HK1: variants seen among roughly 807,000 people sequenced by gnomAD.
HK1 encodes hexokinase 1.
HK1 carries 28 observed loss-of-function variants against 91.6 expected under a neutral mutation model. The ratio of observed to expected loss-of-function variants is 0.31; its 90% CI spans 0.23 to 0.42. The LOEUF (loss-of-function observed/expected upper bound fraction) is 0.42. Ranked by LOEUF, HK1 falls within the 10% of genes least tolerant of loss-of-function variation. The pLI is 1.00. For missense variants in HK1, 770 were observed against 1,219.8 expected, an observed-to-expected ratio of 0.63 and a Z score of 5.49; for synonymous variants, 430 against 468.1, an observed-to-expected ratio of 0.92 and a Z score of 1.05.
At chr10:69,362,059 C>T (rs1286839436) in intron 3 of HK1, among the ~76,000 whole-genome samples, 1 of 152,148 alleles carries the variant, frequency 6.6e-6, no homozygotes, top group Non-Finnish European at 1.5e-5. Flanking sequence ...CAGGTGTGAG[C>T]CACCACACCC....
At chr10:69,393,310 C>T (rs28510843) in intron 15 of HK1, among the ~76,000 whole-genome samples, 45,879 of 142,418 alleles carry the variant, frequency 0.32, 7,666 homozygotes, top group East Asian at 0.43. Context: ...CTTTTCTTTT[C>T]TTTTTTTTTT....
chr10:69,332,393 T>TCTTTCTTTCTTTCTTTCTTTCTTTC (rs1301874042), intron 1 of HK1, among the ~76,000 whole-genome samples: 4 of 126,552 alleles, frequency 3.2e-5, no homozygotes, highest in South Asian at 2.8e-4. Flanking sequence ...TTTTTTCTTT[T>TCTTTCTTTCTTTCTTTCTTTCTTTC]TTTGAGACAG....
At chr10:69,328,639 A>C (rs1847517916) in intron 1 of HK1, among the ~76,000 whole-genome samples, 1 of 152,088 alleles carries the variant, frequency 6.6e-6, no homozygotes, top group Admixed American at 6.5e-5. Context: ...TTATTTTCTC[A>C]ATTGAGTTAT....
At chr10:69,299,330 C>G (rs759960626) in intron 4 of HK1, among the ~76,000 whole-genome samples, 1 of 150,340 alleles carries the variant, frequency 6.7e-6, no homozygotes, top group African/African-American at 2.5e-5. Flanking sequence ...TACCAGCCTG[C>G]CCATTTTTTT....
rs1471643264 is a variant in HK1, at chr10:69,369,858, C to G, written c.875+234C>G. Among the ~76,000 whole-genome samples the G allele has an allele frequency of 2.0e-5, 3 of 152,142 alleles. No homozygotes were observed. The highest frequency in any genetic ancestry group is 4.4e-5 in the Non-Finnish European group (3 of 68,020). On this transcript the variant is annotated intron_variant, in intron 7 of 17. Transcript: ENST00000359426. The surrounding 1 kb of genome is among the most constrained non-coding windows in gnomAD (Gnocchi z 4.4). ...GGTTCAAGCGATTCTCCTGCCTTAG[C>G]CTCCAAGTAGCTGGGATTACAGGCA... is the stretch of plus-strand genomic sequence containing the variant.
chr10:69,279,473 G>T (rs1262351493), intron 1 of HK1, among the ~76,000 whole-genome samples: 1 of 152,224 alleles, frequency 6.6e-6, no homozygotes, highest in Non-Finnish European at 1.5e-5. Flanking sequence ...GGTAGACTGA[G>T]AGGCTGAACT....
At chr10:69,377,144 T>C in intron 8 of HK1, 55 bp downstream of exon 8, 1 of 1,601,952 alleles carries the variant, frequency 6.2e-7, no homozygotes. Flanking sequence ...GAAGAGCAAT[T>C]GGTCCCTTGT....
chr10:69,362,017 A>G (rs951813872), intron 3 of HK1, among the ~76,000 whole-genome samples: 5 of 152,094 alleles, frequency 3.3e-5, no homozygotes, highest in Admixed American at 3.3e-4. Flanking sequence ...GGGTTTCTCC[A>G]TGTTGGTCAG....
Position 69,380,889 on chromosome 10 carries a change from C to T in HK1, c.1265+794C>T, listed in dbSNP as rs1839354155. Among the ~76,000 whole-genome samples, 1 of 152,196 alleles carries T rather than the reference C, an allele frequency of 6.6e-6. No individual in the cohort carries two copies. Among genetic ancestry groups the T allele is most frequent in the South Asian group, 2.1e-4 (1 of 4,832 alleles). ...TAGCCTGTGACATGATTGTTTTGCA[C>T]AGGACCTCAGAGTTGTTTCCCACTG... is the stretch of plus-strand genomic sequence containing the variant. On this transcript the variant is annotated intron_variant, in intron 9 of 17. Transcript: ENST00000359426. This position sits in a 1 kb window ranked among gnomAD's most constrained non-coding sequence, Gnocchi z 4.0.
intron 1 of HK1, among the ~76,000 whole-genome samples, chr10:69,331,829 T>C (rs371583787): frequency 5.3e-5 from 8 of 152,112 alleles, no homozygotes; most frequent in East Asian, 1.9e-4. Context: ...TGAGCCATGA[T>C]TGGAGTGCAC....
chr10:69,355,828 T>C (rs894847298), intron 2 of HK1, among the ~76,000 whole-genome samples: 2 of 151,942 alleles, frequency 1.3e-5, no homozygotes, highest in Non-Finnish European at 2.9e-5. Flanking sequence ...AATAAATGCA[T>C]ACATTACGGT....
At chr10:69,359,797 G>A in intron 2 of HK1, 100 bp from the exon 3 acceptor site, 2 of 1,098,396 alleles carry the variant, frequency 1.8e-6, no homozygotes, top group South Asian at 1.2e-5. Flanking sequence ...TGTGGCAGGG[G>A]GAGGCAGACA....
intron 5 of HK1, among the ~76,000 whole-genome samples, chr10:69,302,658 G>C (rs1048627454): frequency 1.3e-5 from 2 of 151,528 alleles, no homozygotes; most frequent in Non-Finnish European, 2.9e-5. Flanking sequence ...GGGAGGCTGA[G>C]GTGGGAGGAT....
At chr10:69,357,817 T>C (rs1849207688) in intron 2 of HK1, among the ~76,000 whole-genome samples, 1 of 152,064 alleles carries the variant, frequency 6.6e-6, no homozygotes, top group Non-Finnish European at 1.5e-5. Context: ...GAAAATAGAT[T>C]AGTGGTTGCC....
At chr10:69,282,392 C>T (rs1844793283) in intron 1 of HK1, 1 of 152,232 alleles carries the variant, frequency 6.6e-6, no homozygotes, top group Non-Finnish European at 1.5e-5. Context: ...AGTGCCCCAT[C>T]CCCTGCCCAC....
chr10:69,278,146 C>T (rs1844560099), intron 1 of HK1, among the ~76,000 whole-genome samples: 1 of 152,196 alleles, frequency 6.6e-6, no homozygotes, highest in South Asian at 2.1e-4. Flanking sequence ...GGAAATGAGA[C>T]TGACATTTCC....
At chr10:69,316,969 G>A, upstream of HK1, among the ~76,000 whole-genome samples, 1 of 152,156 alleles carries the variant, frequency 6.6e-6, no homozygotes. Flanking sequence ...AGTTCCAAAT[G>A]TTTGATGTGT....
chr10:69,340,615 A>G (rs10998729), intron 1 of HK1, among the ~76,000 whole-genome samples: 27,841 of 152,098 alleles, frequency 0.18, 2,934 homozygotes, highest in Non-Finnish European at 0.24. Context: ...CTGGTCTTGA[A>G]CTTTTGGGCC....
At chr10:69,326,039 T>C (rs974767745) in intron 1 of HK1, among the ~76,000 whole-genome samples, 1 of 151,970 alleles carries the variant, frequency 6.6e-6, no homozygotes, top group African/African-American at 2.4e-5. Flanking sequence ...TTTCACCGTG[T>C]TGGCCAGGCT....
Sources: gnomAD v4.1 joint callset for allele counts (sites outside exome capture counted in the v4.1 genomes callset) on GRCh38, gnomAD v4.1.1 for gene constraint, Gnocchi (gnomAD v3.1) non-coding constraint, MANE v1.5 for transcripts, NCBI Gene and HGNC (gene_info 2026-07-23, HGNC 2026-07-21) for gene names.